The following PPP2R5E variants were observed in gnomAD, a reference collection of about 807,000 sequenced individuals.
The protein encoded by PPP2R5E is protein phosphatase 2 regulatory subunit B'epsilon.
PPP2R5E carries 4 observed loss-of-function variants against 65.3 expected under a neutral mutation model. The ratio of observed to expected loss-of-function variants is 0.06; its 90% CI spans 0.03 to 0.14. The LOEUF is 0.14. PPP2R5E is among the 10% of genes least tolerant of loss of function. The probability of loss-of-function intolerance (pLI) is 1.00; values close to 1 mark genes in which losing one functional copy is unlikely to be tolerated. For missense variants in PPP2R5E, 274 were observed against 556.1 expected (o/e 0.49, Z 5.10); for synonymous variants, 183 against 187.4 (o/e 0.98, Z 0.19).
chr14:63,500,969 T>C (rs1017677936), intron 2 of PPP2R5E, among the ~76,000 whole-genome samples: 1 of 152,220 alleles, frequency 6.6e-6, no homozygotes, highest in East Asian at 1.9e-4. Context: ...TGTTAACTCA[T>C]TTAATTCTTA....
At chr14:63,429,793 C>A (rs1000704916) in intron 3 of PPP2R5E, among the ~76,000 whole-genome samples, 2 of 152,016 alleles carry the variant, frequency 1.3e-5, no homozygotes, top group Admixed American at 1.3e-4. Context: ...AAGTGATTCT[C>A]CTGCCTCAGC....
At chr14:63,531,890 T>C (rs1316170507) in intron 2 of PPP2R5E, among the ~76,000 whole-genome samples, 1 of 151,636 alleles carries the variant, frequency 6.6e-6, no homozygotes, top group African/African-American at 2.4e-5. Context: ...GAGGCAGAGG[T>C]TGCACTGAGC....
chr14:63,421,762 G>T (rs1887037465), intron 4 of PPP2R5E, among the ~76,000 whole-genome samples: 2 of 152,280 alleles, frequency 1.3e-5, no homozygotes, highest in South Asian at 4.1e-4. Flanking sequence ...AGAACTGCTG[G>T]CTGTACCTGC....
At chr14:63,489,816 T>C (rs928803226) in intron 2 of PPP2R5E, among the ~76,000 whole-genome samples, 5 of 152,078 alleles carry the variant, frequency 3.3e-5, no homozygotes, top group African/African-American at 1.2e-4. Context: ...ATCTTCCTTT[T>C]CTCTGAGTGA....
At chr14:63,398,693 G>A (rs1428904021) in intron 5 of PPP2R5E, among the ~76,000 whole-genome samples, 2 of 152,178 alleles carry the variant, frequency 1.3e-5, no homozygotes, top group Admixed American at 1.3e-4. Context: ...GGGAGGCTGA[G>A]GCAGAAGAAT....
At chr14:63,417,441 A>G (rs1284415690) in intron 4 of PPP2R5E, among the ~76,000 whole-genome samples, 2 of 151,442 alleles carry the variant, frequency 1.3e-5, no homozygotes, top group African/African-American at 4.9e-5. Context: ...CTGAATAATC[A>G]TAGTTTGTTA....
intron 5 of PPP2R5E, among the ~76,000 whole-genome samples, chr14:63,409,365 C>T (rs1471144956): frequency 6.6e-6 from 1 of 152,296 alleles, no homozygotes; most frequent in Admixed American, 6.5e-5. Flanking sequence ...TGAAATTACA[C>T]CTCTGCACTC....
intron 3 of PPP2R5E, among the ~76,000 whole-genome samples, chr14:63,423,049 G>T (rs976464591): frequency 2.6e-5 from 4 of 152,186 alleles, no homozygotes; most frequent in African/African-American, 9.6e-5. Context: ...GTGATGAAGA[G>T]ATAAGGATTC....
chr14:63,498,254 T>C (rs1891679034), intron 2 of PPP2R5E, among the ~76,000 whole-genome samples: 2 of 152,256 alleles, frequency 1.3e-5, no homozygotes, highest in Non-Finnish European at 2.9e-5. Flanking sequence ...CAAAGATTGC[T>C]TAAATTCTCT....
At chr14:63,532,839 G>C (rs1344425762) in intron 2 of PPP2R5E, among the ~76,000 whole-genome samples, 2 of 152,086 alleles carry the variant, frequency 1.3e-5, no homozygotes, top group African/African-American at 2.4e-5. Flanking sequence ...TTCCTTAAAA[G>C]ACTATTCTTT....
At chr14:63,431,826 T>C (rs1382310631) in intron 3 of PPP2R5E, among the ~76,000 whole-genome samples, 1 of 152,112 alleles carries the variant, frequency 6.6e-6, no homozygotes, top group Non-Finnish European at 1.5e-5. Context: ...TAGTAATTAT[T>C]GTTACACATT....
At chr14:63,428,604 T>C (rs1185119388) in intron 3 of PPP2R5E, among the ~76,000 whole-genome samples, 1 of 152,198 alleles carries the variant, frequency 6.6e-6, no homozygotes, top group East Asian at 1.9e-4. Flanking sequence ...TATTTTTCAG[T>C]ACATTAGTTT....
chr14:63,396,556 C>G, intron 6 of PPP2R5E, 30 bp downstream of exon 6: 1 of 1,606,574 alleles, frequency 6.2e-7, no homozygotes, highest in Non-Finnish European at 8.5e-7. Flanking sequence ...AACTTTGCTT[C>G]TCCTTCTTCC....
intron 5 of PPP2R5E, among the ~76,000 whole-genome samples, chr14:63,414,656 T>C (rs1033692036): frequency 1.3e-5 from 2 of 152,212 alleles, no homozygotes; most frequent in Non-Finnish European, 2.9e-5. Flanking sequence ...AGGGAAATTT[T>C]AGAATGTTAA....
At chr14:63,428,808 A>G (rs1306919859) in intron 3 of PPP2R5E, among the ~76,000 whole-genome samples, 1 of 152,218 alleles carries the variant, frequency 6.6e-6, no homozygotes, top group Non-Finnish European at 1.5e-5. Context: ...GCAAAATACA[A>G]CTGTTATATT....
intron 2 of PPP2R5E, among the ~76,000 whole-genome samples, chr14:63,516,577 G>T (rs1034537875): frequency 2.6e-5 from 4 of 152,176 alleles, no homozygotes; most frequent in Non-Finnish European, 4.4e-5. Context: ...TGAATGAAAG[G>T]TGTTAGGTTA....
intron 2 of PPP2R5E, among the ~76,000 whole-genome samples, chr14:63,475,396 A>C (rs1014165655): frequency 3.9e-5 from 6 of 152,230 alleles, no homozygotes; most frequent in Non-Finnish European, 7.3e-5. Flanking sequence ...TCTGGATATA[A>C]AGGGGCAGTC....
At chr14:63,488,776 G>C (rs1891135388) in intron 2 of PPP2R5E, among the ~76,000 whole-genome samples, 1 of 151,948 alleles carries the variant, frequency 6.6e-6, no homozygotes, top group African/African-American at 2.4e-5. Context: ...TTGAACCCAG[G>C]AGGCAGAGGT....
intron 2 of PPP2R5E, among the ~76,000 whole-genome samples, chr14:63,530,808 G>C (rs1893396333): frequency 6.6e-6 from 1 of 150,932 alleles, no homozygotes; most frequent in Non-Finnish European, 1.5e-5. Context: ...GTAGAGATGG[G>C]GTTTCACCAT....
Sources: allele counts gnomAD v4.1 joint callset (sites outside exome capture counted in the v4.1 genomes callset), GRCh38; gene constraint gnomAD v4.1.1; transcripts MANE v1.5; gene names NCBI Gene and HGNC (gene_info 2026-07-23, HGNC 2026-07-21).